Variants in CAMK1D observed in about 807,000 individuals in gnomAD.
CAMK1D encodes the protein calcium/calmodulin-dependent protein kinase type 1D.
A neutral mutation model predicts 47.7 loss-of-function variants in CAMK1D; 9 were observed. That is an observed-to-expected ratio of 0.19 (90% CI 0.11 to 0.33). CAMK1D has a LOEUF of 0.33. Among genes scored for constraint, CAMK1D ranks in the 10% least tolerant of loss-of-function variants. The probability of loss-of-function intolerance (pLI) is 1.00; values close to 1 mark genes in which losing one functional copy is unlikely to be tolerated. For synonymous variants in CAMK1D, 184 were observed against 184.9 expected, an observed-to-expected ratio of 0.99 and a Z score of 0.04; for missense variants, 291 against 488.7, an observed-to-expected ratio of 0.60 and a Z score of 3.81.
intron 2 of CAMK1D, among the ~76,000 whole-genome samples, chr10:12,592,251 C>A (rs1249115937): frequency 1.3e-5 from 2 of 152,092 alleles, no homozygotes; most frequent in African/African-American, 4.8e-5. Context: ...TGTCAGGCAC[C>A]CTCTATCTTT....
chr10:12,704,089 G>C (rs1474576254), intron 3 of CAMK1D, among the ~76,000 whole-genome samples: 4 of 152,208 alleles, frequency 2.6e-5, no homozygotes, highest in African/African-American at 9.6e-5. Context: ...TGTGCAAAGG[G>C]TAAGTTATTC....
chr10:12,436,946 CA>C (rs1832650492), intron 1 of CAMK1D, among the ~76,000 whole-genome samples: 2 of 152,226 alleles, frequency 1.3e-5, no homozygotes, highest in Non-Finnish European at 2.9e-5. Context: ...AAAATCAGCA[CA>C]GGGGAGAGGC....
intron 2 of CAMK1D, among the ~76,000 whole-genome samples, chr10:12,626,180 C>T (rs1404222611): frequency 7.9e-5 from 12 of 152,110 alleles, no homozygotes; most frequent in Non-Finnish European, 1.6e-4. Flanking sequence ...AAAGCTATGT[C>T]ATACTCATAC....
chr10:12,430,869 C>G (rs1052616338), intron 1 of CAMK1D, among the ~76,000 whole-genome samples: 3 of 75,620 alleles, frequency 4.0e-5, no homozygotes, highest in African/African-American at 1.1e-4. Flanking sequence ...TCCTGCTTCA[C>G]CCTCTTAAGT....
intron 2 of CAMK1D, among the ~76,000 whole-genome samples, chr10:12,565,893 T>C (rs867793914): frequency 8.6e-5 from 13 of 152,040 alleles, no homozygotes; most frequent in Middle Eastern, 3.4e-3. Context: ...ATATAGGCAA[T>C]AGCCCACTCT....
At chr10:12,698,745 T>C (rs1394281672) in intron 3 of CAMK1D, among the ~76,000 whole-genome samples, 3 of 147,260 alleles carry the variant, frequency 2.0e-5, no homozygotes, top group African/African-American at 7.6e-5. Flanking sequence ...TGATCTCGGC[T>C]CACTGTATCC....
chr10:12,724,937 A>G (rs779754255), intron 3 of CAMK1D, among the ~76,000 whole-genome samples: 2 of 152,188 alleles, frequency 1.3e-5, no homozygotes, highest in Non-Finnish European at 2.9e-5. Context: ...GCCACCTGAG[A>G]TGTTTGATGT....
intron 1 of CAMK1D, among the ~76,000 whole-genome samples, chr10:12,422,417 G>A (rs1258588686): frequency 6.6e-6 from 1 of 152,210 alleles, no homozygotes; most frequent in African/African-American, 2.4e-5. Flanking sequence ...GAACTCACTA[G>A]CTCTGATTGC....
intron 2 of CAMK1D, among the ~76,000 whole-genome samples, chr10:12,602,492 G>A (rs1285093097): frequency 6.6e-6 from 1 of 152,194 alleles, no homozygotes; most frequent in African/African-American, 2.4e-5. Context: ...CTGGGTGACA[G>A]GAGCTATATT....
At chr10:12,525,110 C>T (rs1235171089) in intron 1 of CAMK1D, among the ~76,000 whole-genome samples, 1 of 152,142 alleles carries the variant, frequency 6.6e-6, no homozygotes, top group Non-Finnish European at 1.5e-5. Context: ...GTCACATTTT[C>T]CTGTAGATGG....
At chr10:12,754,754 T>C (rs565870525) in intron 3 of CAMK1D, among the ~76,000 whole-genome samples, 5 of 152,314 alleles carry the variant, frequency 3.3e-5, no homozygotes, top group African/African-American at 1.2e-4. Context: ...CCTTACATGG[T>C]CTTCCTTGTG....
At chr10:12,751,337 C>T (rs1000877235) in intron 3 of CAMK1D, among the ~76,000 whole-genome samples, 1 of 152,150 alleles carries the variant, frequency 6.6e-6, no homozygotes, top group Non-Finnish European at 1.5e-5. Flanking sequence ...TCACTGCAGC[C>T]TCCAACTCCT....
intron 1 of CAMK1D, among the ~76,000 whole-genome samples, chr10:12,381,736 C>T (rs1262138946): frequency 1.3e-5 from 2 of 152,102 alleles, no homozygotes; most frequent in Non-Finnish European, 2.9e-5. Context: ...CGTTCATGTT[C>T]GGAGTCTGGT....
At chr10:12,441,922 T>G (rs536309394) in intron 1 of CAMK1D, among the ~76,000 whole-genome samples, 1 of 152,342 alleles carries the variant, frequency 6.6e-6, no homozygotes, top group South Asian at 2.1e-4. Context: ...TGAGAAGCGC[T>G]TGATTATAGT....
chr10:12,353,896 A>G (rs1163491685), intron 1 of CAMK1D, among the ~76,000 whole-genome samples: 2 of 152,174 alleles, frequency 1.3e-5, no homozygotes, highest in Non-Finnish European at 2.9e-5. Flanking sequence ...GGCCGTCCCT[A>G]TCGTAGCTAT....
intron 1 of CAMK1D, among the ~76,000 whole-genome samples, chr10:12,538,954 A>T (rs1465475160): frequency 3.3e-5 from 5 of 151,868 alleles, no homozygotes; most frequent in Admixed American, 6.6e-5. Context: ...GACAAGAGCA[A>T]CAGGCCTTGT....
chr10:12,664,964 C>T (rs973886261), intron 2 of CAMK1D, among the ~76,000 whole-genome samples: 3 of 152,294 alleles, frequency 2.0e-5, no homozygotes, highest in South Asian at 2.1e-4. Context: ...GGAAAATCTA[C>T]GTGATGCCTA....
intron 1 of CAMK1D, among the ~76,000 whole-genome samples, chr10:12,372,178 G>C (rs1838025021): frequency 6.6e-6 from 1 of 152,162 alleles, no homozygotes; most frequent in South Asian, 2.1e-4. Flanking sequence ...ACACTGTGAT[G>C]TTTGCACAAT....
intron 1 of CAMK1D, among the ~76,000 whole-genome samples, chr10:12,501,663 C>T (rs1275123289): frequency 2.0e-5 from 3 of 152,120 alleles, no homozygotes; most frequent in African/African-American, 7.2e-5. Flanking sequence ...TTTTTTCCCG[C>T]CAGGGGACAT....
Sources: gnomAD v4.1 joint callset for allele counts (sites outside exome capture counted in the v4.1 genomes callset) on GRCh38, gnomAD v4.1.1 for gene constraint, MANE v1.5 for transcripts, NCBI Gene and HGNC (gene_info 2026-07-23, HGNC 2026-07-21) for gene names.